Variants in ADAM17 observed in about 807,000 individuals in gnomAD.
The protein encoded by ADAM17 is disintegrin and metalloproteinase domain-containing protein 17.
Under a neutral mutation model 96.7 loss-of-function variants are expected in ADAM17, and 39 were observed. The ratio of observed to expected loss-of-function variants is 0.40; its 90% CI spans 0.31 to 0.53. The LOEUF (loss-of-function observed/expected upper bound fraction) is 0.53. Ranked by LOEUF, ADAM17 falls within the 20% of genes least tolerant of loss-of-function variation. The pLI, the probability that ADAM17 is intolerant of heterozygous loss-of-function variation, is 0.44. For missense variants in ADAM17, 777 were observed against 1,013.2 expected (o/e 0.77, Z 3.17); for synonymous variants, 344 against 359.2 (o/e 0.96, Z 0.48).
chr2:9,497,937 C>G (rs1249737832), intron 13 of ADAM17, among the ~76,000 whole-genome samples: 2 of 152,134 alleles, frequency 1.3e-5, no homozygotes, highest in Non-Finnish European at 2.9e-5. Flanking sequence ...GACTGGAAAG[C>G]CCCATGACAG....
At position 9,555,494 on chromosome 2, in the gene ADAM17, C is replaced by A; in HGVS notation, c.97+15G>T. On this transcript the variant is annotated intron_variant, in intron 1 of 18. Coordinates refer to ENST00000310823, the MANE Select transcript of ADAM17 (RefSeq NM_003183.6). ...CTCCAGGCGCCGGCCTAAGCCAACTCCCCTGGGTCTTTACCGAGTCTCTGG... is the reference window on the plus strand; with the variant it reads ...CTCCAGGCGCCGGCCTAAGCCAACTACCCTGGGTCTTTACCGAGTCTCTGG... 1 of 1,578,344 alleles carries A rather than the reference C, an allele frequency of 6.3e-7. No homozygotes were observed. Among genetic ancestry groups the A allele is most frequent in the Non-Finnish European group, 8.6e-7 (1 of 1,162,134 alleles).
At chr2:9,547,187 C>A (rs1400842126) in intron 1 of ADAM17, among the ~76,000 whole-genome samples, 1 of 152,024 alleles carries the variant, frequency 6.6e-6, no homozygotes, top group African/African-American at 2.4e-5. Flanking sequence ...TTTTTCATCC[C>A]CCTACCCCTC....
chr2:9,519,437 G>A (rs762493871), intron 8 of ADAM17, among the ~76,000 whole-genome samples: 5 of 152,170 alleles, frequency 3.3e-5, no homozygotes, highest in Non-Finnish European at 7.3e-5. Flanking sequence ...GCAGACAGGC[G>A]CAGTGGTTCA....
intron 9 of ADAM17, 26 bp downstream of exon 9, chr2:9,518,077 T>G (rs761065448): frequency 5.1e-6 from 8 of 1,576,208 alleles, no homozygotes; most frequent in Non-Finnish European, 6.9e-6. Flanking sequence ...CAGCAGCATA[T>G]TCACACAAGA....
At chr2:9,551,363 T>C (rs1665586450) in intron 1 of ADAM17, among the ~76,000 whole-genome samples, 2 of 152,222 alleles carry the variant, frequency 1.3e-5, no homozygotes, top group Admixed American at 6.5e-5. Context: ...AAGTGTTTCA[T>C]TCATCAGAAT....
chr2:9,544,239 T>C (rs1250577605), intron 1 of ADAM17, among the ~76,000 whole-genome samples: 1 of 152,234 alleles, frequency 6.6e-6, no homozygotes, highest in East Asian at 1.9e-4. Flanking sequence ...GATTCTGATA[T>C]CAAAAGTTTC....
rs184238621 is a variant in ADAM17 at position 9,490,539 on chromosome 2, T to C, written c.2134-21A>G. The C allele has an allele frequency of 2.3e-5, 36 of 1,597,926 alleles. No homozygotes were observed. The Admixed American group carries it at 2.7e-4, about 12-fold the overall frequency. ...ACGTTCTGCAAAGACATGGGTTCAA[T>C]TGATTGATAGGAATAAAAGATGAAT... On this transcript the variant is annotated intron_variant, in intron 18 of 18. Transcript: ENST00000310823.
At chr2:9,505,024 T>C in intron 12 of ADAM17, 142 bp downstream of exon 12, 1 of 936,340 alleles carries the variant, frequency 1.1e-6, no homozygotes. Context: ...TTTCTTGCTG[T>C]GAAGGGCAAA....
rs1662275952 is a variant in ADAM17, at chr2:9,492,887, T to G, written c.2082+11A>C. On this transcript the variant is annotated intron_variant, in intron 17 of 18. Transcript: ENST00000310823. ...ATAAAACATTTAATTACTTAAAAGT[T>G]GATGACTTACCACACAATGGACAAG... 6.2e-7 allele frequency: 1 copy of G among 1,601,800 alleles called. No individual in the cohort carries two copies. Among genetic ancestry groups the G allele is most frequent in the Non-Finnish European group, 8.5e-7 (1 of 1,172,206 alleles).
In ADAM17 at chr2:9,489,157, TTTGTTGTTG is replaced by T. The variant is rs34423700; in HGVS notation, c.*1011_*1019del. On this transcript the variant is annotated 3_prime_UTR_variant, in exon 19 of 19. Coordinates refer to ENST00000310823, the MANE Select transcript of ADAM17 (RefSeq NM_003183.6). ...ATCACATTCAAAACAACCTGTTTTT[TTTGTTGTTG>T]TTGTTGTTAAGAAATATCTCACCCT... The T allele has an allele frequency of 6.8e-6, 1 of 146,244 alleles. No homozygotes were observed. The highest frequency in any genetic ancestry group is 2.5e-5 in the African/African-American group (1 of 40,278). 9.1% of individuals were successfully genotyped at this position (146,244 alleles called of 1,614,324 possible).
chr2:9,514,542 T>TATATATATAA (rs1663943979), intron 10 of ADAM17, among the ~76,000 whole-genome samples: 1 of 41,530 alleles, frequency 2.4e-5, no homozygotes. Flanking sequence ...TATATATATA[T>TATATATATAA]ATATATATAT....
Position 9,492,936 on chromosome 2 carries a change from T to C in ADAM17, c.2044A>G (p.Ile682Val). 2 of 1,613,186 alleles carry C rather than the reference T, an allele frequency of 1.2e-6. No homozygotes were observed. The change falls in exon 17 of 19, where the codon ATA (isoleucine) becomes GTA (valine). Residue 682 changes from isoleucine to valine, a missense_variant. Physicochemically the swap from Ile to Val is conservative, Grantham distance 29. Transcript: ENST00000310823. ...IVGSVLVFSL[I>V]FWIPFSILVH... is the part of the protein sequence containing the mutation. Reference sequence around the variant, plus strand: ...AGAATGCTGAAAGGAATCCAAAATATCAAGGAGAAAACCAGGACAGACCCA... The same window carrying C: ...AGAATGCTGAAAGGAATCCAAAATACCAAGGAGAAAACCAGGACAGACCCA...
At chr2:9,511,327 G>A (rs1207228586) in intron 10 of ADAM17, among the ~76,000 whole-genome samples, 1 of 152,132 alleles carries the variant, frequency 6.6e-6, no homozygotes, top group Admixed American at 6.5e-5. Context: ...GCGCACGCCT[G>A]TAATCCCGGC....
intron 14 of ADAM17, among the ~76,000 whole-genome samples, chr2:9,496,721 G>C (rs1420870398): frequency 6.6e-6 from 1 of 152,194 alleles, no homozygotes; most frequent in African/African-American, 2.4e-5. Flanking sequence ...TGGAGTTGTT[G>C]CAGGAGTATC....
rs201481056 is a variant in ADAM17, at chr2:9,518,124, G to A, written c.1081C>T (p.His361Tyr). Residue 361 changes from histidine (H) to tyrosine (Y), a missense_variant, in exon 9 of 19, where the codon CAT becomes TAT. This residue lies in a region of ADAM17 where 446 missense variants were observed against 664.7 expected (regional missense o/e 0.67). Coordinates refer to ENST00000310823, the MANE Select transcript of ADAM17 (RefSeq NM_003183.6). ...TTACCCTTTGGACAAACACCTCCAT[G>A]GCTGTTTGCTCTGGGAGAGCCAACA... ...AYVGSPRANS[H>Y]GGVCPKAYYS... 1.6e-5 allele frequency: 25 copies of A among 1,595,754 alleles called. No homozygotes were observed. In the Admixed American group the frequency reaches 3.6e-4, roughly 23 times the overall value.
intron 1 of ADAM17, among the ~76,000 whole-genome samples, chr2:9,551,199 T>C (rs1358576467): frequency 4.0e-5 from 6 of 149,566 alleles, no homozygotes; most frequent in African/African-American, 1.5e-4. Flanking sequence ...CAGAACACTG[T>C]CAAATGAAGT....
intron 13 of ADAM17, among the ~76,000 whole-genome samples, chr2:9,500,228 G>A (rs993449856): frequency 1.3e-5 from 2 of 152,144 alleles, no homozygotes; most frequent in Non-Finnish European, 2.9e-5. Context: ...AGTACATGAA[G>A]TACTGATACA....
In ADAM17 at chr2:9,490,021, C is replaced by T. The variant is rs1449934192; in HGVS notation, c.*156G>A. On this transcript the variant is annotated 3_prime_UTR_variant, in exon 19 of 19. Coordinates refer to ENST00000310823, the MANE Select transcript of ADAM17 (RefSeq NM_003183.6). Reference sequence around the variant, plus strand: ...CCTTTTCAAAAGGAGAAGGGCCAAACCACACAAGAACTGTTTACCTGCAGG... The same window carrying T: ...CCTTTTCAAAAGGAGAAGGGCCAAATCACACAAGAACTGTTTACCTGCAGG... The T allele has an allele frequency of 3.0e-6, 2 of 675,544 alleles. No individual in the cohort carries two copies. Among genetic ancestry groups the T allele is most frequent in the Non-Finnish European group, 2.4e-6 (1 of 419,012 alleles). The allele number at this position is 675,544 out of a possible 1,614,324, so 41.8% of individuals were successfully genotyped here.
intron 8 of ADAM17, among the ~76,000 whole-genome samples, chr2:9,519,481 T>A (rs4499396): frequency 0.41 from 62,742 of 151,878 alleles, 14,133 homozygotes; most frequent in Middle Eastern, 0.61. Flanking sequence ...TGTGCTCAAT[T>A]CAACCTCTGC....
Sources: gnomAD v4.1 joint callset for allele counts (sites outside exome capture counted in the v4.1 genomes callset) on GRCh38, gnomAD v4.1.1 for gene constraint, gnomAD v4.1.1 regional missense constraint, MANE v1.5 for transcripts, NCBI Gene and HGNC (gene_info 2026-07-23, HGNC 2026-07-21) for gene names.